The following PCDH15 variants were observed in gnomAD, a reference collection of about 807,000 sequenced individuals.
PCDH15 encodes protocadherin-15.
PCDH15 carries 129 observed loss-of-function variants against 178.5 expected under a neutral mutation model. That is an observed-to-expected ratio of 0.72 (90% confidence interval 0.63 to 0.84). The LOEUF is 0.84. Ranked by LOEUF, PCDH15 falls within the 40% of genes least tolerant of loss-of-function variation. PCDH15 has a pLI of 0.00. For missense variants in PCDH15, 2,230 were observed against 2,099.9 expected (o/e 1.06, Z -1.21); for synonymous variants, 800 against 732.0 (o/e 1.09, Z -1.50).
intron 2 of PCDH15, among the ~76,000 whole-genome samples, chr10:54,596,445 A>T (rs928017449): frequency 9.2e-5 from 14 of 152,198 alleles, no homozygotes; most frequent in African/African-American, 3.1e-4. Context: ...CCTGCCTTAC[A>T]AGAGCTTCTG....
intron 2 of PCDH15, among the ~76,000 whole-genome samples, chr10:54,557,664 T>C (rs1217271202): frequency 6.6e-6 from 1 of 152,162 alleles, no homozygotes; most frequent in African/African-American, 2.4e-5. Flanking sequence ...AACATAGCAG[T>C]ACGAGAAATA....
At chr10:54,839,451 G>A (rs1953378203) in intron 3 of PCDH15, among the ~76,000 whole-genome samples, 3 of 151,964 alleles carry the variant, frequency 2.0e-5, no homozygotes, top group Admixed American at 2.0e-4. Context: ...CTTGAAAACT[G>A]GTCATTTAAA....
chr10:54,332,042 T>C (rs759135082), intron 6 of PCDH15, among the ~76,000 whole-genome samples: 3 of 151,064 alleles, frequency 2.0e-5, no homozygotes, highest in South Asian at 2.1e-4. Flanking sequence ...TTGGGGACTA[T>C]TGATAAAATT....
intron 21 of PCDH15, among the ~76,000 whole-genome samples, chr10:53,991,088 C>T (rs1439140960): frequency 2.0e-5 from 3 of 152,020 alleles, no homozygotes; most frequent in Admixed American, 1.3e-4. Flanking sequence ...ATGGCCGAAC[C>T]CCCCCCACCC....
chr10:53,974,384 C>T (rs2082297147), intron 21 of PCDH15, among the ~76,000 whole-genome samples: 1 of 151,952 alleles, frequency 6.6e-6, no homozygotes, highest in Non-Finnish European at 1.5e-5. Flanking sequence ...ATATACTTAA[C>T]TTTAAAGATT....
At chr10:54,964,620 A>G (rs975067060) in intron 2 of PCDH15, among the ~76,000 whole-genome samples, 2 of 152,174 alleles carry the variant, frequency 1.3e-5, no homozygotes, top group African/African-American at 4.8e-5. Flanking sequence ...CATCTATCAC[A>G]CTGTGAATAT....
chr10:54,870,403 G>C (rs896876729), intron 3 of PCDH15, among the ~76,000 whole-genome samples: 3 of 152,170 alleles, frequency 2.0e-5, no homozygotes, highest in Admixed American at 1.3e-4. Flanking sequence ...GCAAGAGTCT[G>C]ATAGTTTTGT....
intron 3 of PCDH15, among the ~76,000 whole-genome samples, chr10:54,436,844 G>C (rs1443246304): frequency 6.6e-6 from 1 of 152,098 alleles, no homozygotes; most frequent in Non-Finnish European, 1.5e-5. Context: ...AACATTGGTG[G>C]AAAATGCAAA....
At chr10:53,825,679 C>T (rs997559082) in intron 32 of PCDH15, among the ~76,000 whole-genome samples, 18 of 151,338 alleles carry the variant, frequency 1.2e-4, no homozygotes, top group Admixed American at 4.6e-4. Context: ...TGACTTTGTT[C>T]TTTTTAAGAT....
At chr10:55,016,064 C>T (rs1189367398) in intron 2 of PCDH15, among the ~76,000 whole-genome samples, 2 of 142,366 alleles carry the variant, frequency 1.4e-5, no homozygotes, top group Middle Eastern at 7.6e-3. Context: ...TTGTAATTGA[C>T]CAAATTTTAA....
intron 15 of PCDH15, among the ~76,000 whole-genome samples, chr10:54,121,244 A>C (rs2132864897): frequency 6.7e-6 from 1 of 150,198 alleles, no homozygotes; most frequent in South Asian, 2.1e-4. Flanking sequence ...ATTTGAAATA[A>C]ATCAAAACAG....
At chr10:55,330,801 A>T (rs1200854934) in intron 2 of PCDH15, among the ~76,000 whole-genome samples, 8 of 148,334 alleles carry the variant, frequency 5.4e-5, no homozygotes, top group African/African-American at 2.0e-4. Flanking sequence ...GAACCTGGTG[A>T]TTTCTCATTA....
intron 13 of PCDH15, among the ~76,000 whole-genome samples, chr10:54,160,844 A>G (rs1221717923): frequency 6.6e-6 from 1 of 152,180 alleles, no homozygotes; most frequent in Admixed American, 6.6e-5. Flanking sequence ...CAAAATCACA[A>G]TGAGATACTA....
At chr10:54,690,783 A>T (rs2095106987) in intron 1 of PCDH15, among the ~76,000 whole-genome samples, 1 of 152,058 alleles carries the variant, frequency 6.6e-6, no homozygotes, top group Admixed American at 6.6e-5. Context: ...CAACTTTTAA[A>T]ATCACCTATT....
intron 2 of PCDH15, among the ~76,000 whole-genome samples, chr10:54,992,952 T>C (rs1177768835): frequency 6.6e-6 from 1 of 151,824 alleles, no homozygotes; most frequent in Non-Finnish European, 1.5e-5. Flanking sequence ...CTTTATAGAA[T>C]TGGTTGAAAA....
chr10:53,905,362 C>G, intron 25 of PCDH15: 1 of 430,480 alleles, frequency 2.3e-6, no homozygotes, highest in Middle Eastern at 6.8e-4. Flanking sequence ...GAGATGGAGT[C>G]TCCCTCTGTC....
chr10:54,149,703 A>C (rs1675163727), intron 14 of PCDH15, among the ~76,000 whole-genome samples: 1 of 152,156 alleles, frequency 6.6e-6, no homozygotes. Flanking sequence ...AAGCTTGAGT[A>C]ATGGATTGAG....
intron 2 of PCDH15, among the ~76,000 whole-genome samples, chr10:54,943,842 A>G (rs1242422818): frequency 6.8e-6 from 1 of 147,476 alleles, no homozygotes; most frequent in Non-Finnish European, 1.5e-5. Flanking sequence ...ATTTTTCTAA[A>G]TTCCAAAGTT....
At chr10:55,527,797 A>T (rs577758037) in intron 2 of PCDH15, among the ~76,000 whole-genome samples, 1 of 152,188 alleles carries the variant, frequency 6.6e-6, no homozygotes, top group East Asian at 1.9e-4. Context: ...GTACATTTTT[A>T]AAGTGCATCC....
Sources: allele counts gnomAD v4.1 joint callset (sites outside exome capture counted in the v4.1 genomes callset), GRCh38; gene constraint gnomAD v4.1.1; transcripts MANE v1.5; gene names NCBI Gene and HGNC (gene_info 2026-07-23, HGNC 2026-07-21).